Variants in SUCLG2 observed in about 807,000 individuals in gnomAD.
The protein encoded by SUCLG2 is succinate--CoA ligase [GDP-forming] subunit beta, mitochondrial.
SUCLG2 carries 42 observed loss-of-function variants against 47.9 expected under a neutral mutation model. The ratio of observed to expected loss-of-function variants is 0.88; its 90% CI spans 0.69 to 1.14. The LOEUF (loss-of-function observed/expected upper bound fraction) is 1.14, where lower values mean the gene tolerates loss of function less well. SUCLG2 is among the 50% of genes most tolerant of loss of function. SUCLG2 has a pLI of 0.00. For missense variants in SUCLG2, 571 were observed against 525.9 expected, an observed-to-expected ratio of 1.09 and a Z score of -0.84; for synonymous variants, 195 against 197.3, an observed-to-expected ratio of 0.99 and a Z score of 0.10.
At chr3:67,384,395 TAAA>T (rs1304216146) in intron 10 of SUCLG2, among the ~76,000 whole-genome samples, 2 of 152,140 alleles carry the variant, frequency 1.3e-5, no homozygotes, top group Non-Finnish European at 2.9e-5. Context: ...CTGTTTTTGT[TAAA>T]AAAAGATTAC....
chr3:67,502,621 G>A (rs1242753783), intron 7 of SUCLG2, among the ~76,000 whole-genome samples: 1 of 152,170 alleles, frequency 6.6e-6, no homozygotes, highest in African/African-American at 2.4e-5. Flanking sequence ...ATATGCACAT[G>A]CTTTTTTATA....
intron 10 of SUCLG2, among the ~76,000 whole-genome samples, chr3:67,392,018 T>G (rs1702396986): frequency 6.6e-6 from 1 of 152,196 alleles, no homozygotes; most frequent in South Asian, 2.1e-4. Flanking sequence ...CTGATGTTTT[T>G]GTCAGTGCAT....
chr3:67,398,198 C>T lies in SUCLG2; in HGVS notation c.1183+2533G>A, dbSNP rs1397689776. On this transcript the variant is annotated intron_variant, in intron 10 of 10. Transcript: ENST00000307227. ...ATCTAATTAAACTAAAGAGCTTCTG[C>T]GCAGCAAAAGAAACTACCATCAGAG... Among the ~76,000 whole-genome samples the T allele has an allele frequency of 3.3e-5, 5 of 150,278 alleles. 1 individual carries two copies. The highest frequency in any genetic ancestry group is 4.9e-5 in the African/African-American group (2 of 40,928).
At chr3:67,488,655 T>A (rs188477894) in intron 9 of SUCLG2, among the ~76,000 whole-genome samples, 27 of 152,340 alleles carry the variant, frequency 1.8e-4, no homozygotes, top group Non-Finnish European at 3.2e-4. Flanking sequence ...ATTCTTGACA[T>A]TATTCCCGAC....
At chr3:67,417,158 T>C (rs1198714050) in intron 9 of SUCLG2, among the ~76,000 whole-genome samples, 2 of 152,212 alleles carry the variant, frequency 1.3e-5, no homozygotes, top group Admixed American at 6.5e-5. Flanking sequence ...TACCATACAC[T>C]GTACTGTTTG....
At chr3:67,496,081 A>G in intron 8 of SUCLG2, 141 bp from the exon 9 acceptor site, 2 of 994,008 alleles carry the variant, frequency 2.0e-6, no homozygotes, top group Non-Finnish European at 2.9e-6. Flanking sequence ...ATTCCATTAA[A>G]CCAGATTAGT....
rs138075280 is a variant in SUCLG2, at chr3:67,439,081, A to G, written c.1063-38230T>C. ...AACCCTGGGATGCAAGGCTGGTTCA[A>G]CATACACAAATCAATTAACGTAATC... On this transcript the variant is annotated intron_variant, in intron 9 of 10. Coordinates refer to ENST00000307227, the MANE Select transcript of SUCLG2 (RefSeq NM_003848.4). 3.6e-3 allele frequency among the ~76,000 whole-genome samples: 551 copies of G among 152,322 alleles called. 2 individuals carry two copies. The highest frequency in any genetic ancestry group is 0.012 in the African/African-American group (509 of 41,578).
chr3:67,396,834 G>A (rs1326532908), intron 10 of SUCLG2, among the ~76,000 whole-genome samples: 1 of 152,084 alleles, frequency 6.6e-6, no homozygotes, highest in East Asian at 1.9e-4. Flanking sequence ...ATGATCAAGT[G>A]GTCTTCATCA....
At chr3:67,584,147 C>G (rs1314965469) in intron 2 of SUCLG2, among the ~76,000 whole-genome samples, 2 of 152,166 alleles carry the variant, frequency 1.3e-5, no homozygotes, top group Non-Finnish European at 2.9e-5. Context: ...TTCAAATCAA[C>G]ATAAATATCT....
chr3:67,513,091 A>G (rs1311732400), intron 6 of SUCLG2, among the ~76,000 whole-genome samples: 1 of 151,166 alleles, frequency 6.6e-6, no homozygotes, highest in Non-Finnish European at 1.5e-5. Flanking sequence ...ATACCTGTGG[A>G]ATCATCCAGT....
intron 2 of SUCLG2, among the ~76,000 whole-genome samples, chr3:67,607,196 C>G (rs557532601): frequency 2.5e-4 from 38 of 152,252 alleles, no homozygotes; most frequent in Admixed American, 8.5e-4. Flanking sequence ...CAAATGTGCA[C>G]TGTCCTAGAT....
At chr3:67,642,951 T>TGTGTGTGTGA (rs1553675855) in intron 1 of SUCLG2, among the ~76,000 whole-genome samples, 147 of 141,652 alleles carry the variant, frequency 1.0e-3, no homozygotes, top group African/African-American at 3.6e-3. Context: ...TGTGTGTGTG[T>TGTGTGTGTGA]GAGAGAGATG....
At chr3:67,555,253 T>G (rs966845021) in intron 2 of SUCLG2, among the ~76,000 whole-genome samples, 1 of 152,168 alleles carries the variant, frequency 6.6e-6, no homozygotes, top group African/African-American at 2.4e-5. Context: ...CCCAATATTT[T>G]TGGTAACACA....
intron 1 of SUCLG2, among the ~76,000 whole-genome samples, chr3:67,640,902 T>G (rs1701090489): frequency 1.3e-5 from 2 of 152,194 alleles, no homozygotes; most frequent in South Asian, 4.1e-4. Context: ...TACAAAACTG[T>G]TTTTCAAAAG....
At chr3:67,371,700 G>C (rs1979640), downstream of SUCLG2, among the ~76,000 whole-genome samples, 100,510 of 152,050 alleles carry the variant, frequency 0.66, 33,346 homozygotes, top group Middle Eastern at 0.83. Context: ...AACCCAGCTT[G>C]CTAAATGTCT....
intron 2 of SUCLG2, among the ~76,000 whole-genome samples, chr3:67,605,010 G>A (rs989591178): frequency 1.6e-4 from 25 of 152,146 alleles, no homozygotes; most frequent in Non-Finnish European, 1.2e-4. Flanking sequence ...CTCTCTGTGA[G>A]TTAGAATCAC....
At chr3:67,524,140 G>C (rs9846683) in intron 4 of SUCLG2, among the ~76,000 whole-genome samples, 3,123 of 152,244 alleles carry the variant, frequency 0.021, 103 homozygotes, top group African/African-American at 0.072. Flanking sequence ...GAGTATATTA[G>C]GAAGTGTTAC....
In SUCLG2 at chr3:67,535,807, A is replaced by G. The variant is rs537120816; in HGVS notation, c.227-6621T>C. On this transcript the variant is annotated intron_variant, in intron 2 of 10. Transcript: ENST00000307227. ...ATCTGTCTGTCACTACCTAATCACA[A>G]TGAACTGCAGGGAGTAATCACAAAT... 4.3e-4 allele frequency among the ~76,000 whole-genome samples: 66 copies of G among 152,214 alleles called. No individual in the cohort carries two copies. In the South Asian group the frequency reaches 0.013, roughly 30 times the overall value.
chr3:67,441,274 T>C (rs1043263800), intron 9 of SUCLG2, among the ~76,000 whole-genome samples: 10 of 152,012 alleles, frequency 6.6e-5, no homozygotes, highest in South Asian at 2.1e-4. Context: ...ATACCTAATG[T>C]AGATGACAGG....
Sources: allele counts gnomAD v4.1 joint callset (sites outside exome capture counted in the v4.1 genomes callset), GRCh38; gene constraint gnomAD v4.1.1; transcripts MANE v1.5; gene names NCBI Gene and HGNC (gene_info 2026-07-23, HGNC 2026-07-21).